Variants in STPG2 observed in about 807,000 individuals in gnomAD.
The protein encoded by STPG2 is sperm-tail PG-rich repeat-containing protein 2.
In STPG2, 56 loss-of-function variants were observed where a neutral mutation model predicts 54.2. That is an observed-to-expected ratio of 1.03 (90% confidence interval 0.83 to 1.29). STPG2 has a LOEUF of 1.29. Among genes scored for constraint, STPG2 ranks in the 50% most tolerant of loss-of-function variants. The pLI, the probability that STPG2 is intolerant of heterozygous loss-of-function variation, is 0.00. For synonymous variants in STPG2, 200 were observed against 181.8 expected (o/e 1.10, Z -0.81); for missense variants, 596 against 544.9 (o/e 1.09, Z -0.93).
At chr4:97,612,496 A>T (rs1419300974) in intron 10 of STPG2, among the ~76,000 whole-genome samples, 1 of 152,062 alleles carries the variant, frequency 6.6e-6, no homozygotes, top group Non-Finnish European at 1.5e-5. Flanking sequence ...AACAGTTCTA[A>T]ATCTTTGGTG....
intron 5 of STPG2, 149 bp downstream of exon 5, chr4:98,105,804 G>A: frequency 4.6e-6 from 3 of 654,982 alleles, no homozygotes; most frequent in Non-Finnish European, 6.8e-6. Flanking sequence ...CCACTTGACA[G>A]AAATAATAAA....
At chr4:97,584,004 C>T (rs1578405229) in intron 10 of STPG2, among the ~76,000 whole-genome samples, 1 of 151,850 alleles carries the variant, frequency 6.6e-6, no homozygotes, top group Non-Finnish European at 1.5e-5. Flanking sequence ...AAACAATGGA[C>T]TTAAACTATA....
downstream of STPG2, among the ~76,000 whole-genome samples, chr4:97,556,583 G>T (rs1206413913): frequency 6.6e-6 from 1 of 152,010 alleles, no homozygotes; most frequent in South Asian, 2.1e-4. Context: ...CACACAATCT[G>T]CATATTTTTA....
chr4:97,779,613 C>A (rs1443642792), intron 9 of STPG2, among the ~76,000 whole-genome samples: 1 of 152,046 alleles, frequency 6.6e-6, no homozygotes, highest in African/African-American at 2.4e-5. Context: ...AAGAGCAACT[C>A]CAAGACACAT....
intron 1 of STPG2, among the ~76,000 whole-genome samples, chr4:98,140,442 A>G (rs1462016885): frequency 6.6e-6 from 1 of 152,210 alleles, no homozygotes; most frequent in East Asian, 1.9e-4. Context: ...AAGGAAAAAC[A>G]AGTAATATTT....
chr4:97,926,612 T>A (rs1316793741), intron 8 of STPG2, among the ~76,000 whole-genome samples: 4 of 152,194 alleles, frequency 2.6e-5, no homozygotes, highest in African/African-American at 4.8e-5. Context: ...ATTCTTTCCA[T>A]GCCTTTGCAT....
At chr4:97,574,271 A>C (rs933202948) in intron 10 of STPG2, among the ~76,000 whole-genome samples, 1 of 152,130 alleles carries the variant, frequency 6.6e-6, no homozygotes, top group Non-Finnish European at 1.5e-5. Context: ...AGAAGGGAAA[A>C]TATTTCTTCC....
At chr4:97,617,511 A>G (rs1733906203) in intron 10 of STPG2, among the ~76,000 whole-genome samples, 1 of 152,178 alleles carries the variant, frequency 6.6e-6, no homozygotes, top group African/African-American at 2.4e-5. Context: ...CATTGCAAAC[A>G]CTTTTTAAGA....
At chr4:97,862,051 G>A (rs1337127410) in intron 8 of STPG2, among the ~76,000 whole-genome samples, 3 of 152,000 alleles carry the variant, frequency 2.0e-5, no homozygotes, top group African/African-American at 7.2e-5. Flanking sequence ...CATAATGACA[G>A]AATCAAATTC....
At chr4:97,492,111 A>G (rs568476201) in intron 4 of STPG2, among the ~76,000 whole-genome samples, 1 of 151,560 alleles carries the variant, frequency 6.6e-6, no homozygotes, top group Non-Finnish European at 1.5e-5. Context: ...TCTCGTAAGA[A>G]TGGTGCTGAA....
intron 4 of STPG2, among the ~76,000 whole-genome samples, chr4:97,472,351 G>A (rs962450928): frequency 6.6e-6 from 1 of 152,174 alleles, no homozygotes; most frequent in Non-Finnish European, 1.5e-5. Context: ...CCAAACTTTG[G>A]TGAGTTTCAC....
chr4:98,045,270 C>T (rs1009102338), intron 5 of STPG2, among the ~76,000 whole-genome samples: 1 of 152,156 alleles, frequency 6.6e-6, no homozygotes, highest in African/African-American at 2.4e-5. Flanking sequence ...AGAACCTCCA[C>T]TGCACGCTGG....
At chr4:97,453,168 G>C (rs987852531) in intron 4 of STPG2, among the ~76,000 whole-genome samples, 2 of 152,190 alleles carry the variant, frequency 1.3e-5, no homozygotes, top group Non-Finnish European at 2.9e-5. Flanking sequence ...GCAGTGCCTG[G>C]CATCTCCAAG....
intron 6 of STPG2, among the ~76,000 whole-genome samples, chr4:97,974,845 C>A (rs927546809): frequency 6.6e-6 from 1 of 152,122 alleles, no homozygotes. Context: ...AATACACTTG[C>A]CATATGACCA....
intron 9 of STPG2, among the ~76,000 whole-genome samples, chr4:97,799,710 C>T (rs1489196966): frequency 2.6e-5 from 4 of 152,010 alleles, no homozygotes; most frequent in African/African-American, 9.7e-5. Context: ...TCTGTATTTC[C>T]TGAATTTGAA....
At chr4:97,756,507 G>A (rs1054224062) in intron 9 of STPG2, among the ~76,000 whole-genome samples, 1 of 151,920 alleles carries the variant, frequency 6.6e-6, no homozygotes, top group Non-Finnish European at 1.5e-5. Flanking sequence ...TATTTTTTTA[G>A]TAGAGATGGG....
intron 8 of STPG2, among the ~76,000 whole-genome samples, chr4:97,905,260 G>C (rs1204180138): frequency 6.6e-6 from 1 of 152,064 alleles, no homozygotes; most frequent in South Asian, 2.1e-4. Context: ...CGGATGTCTC[G>C]GCAGAAACTC....
At chr4:97,771,244 G>A (rs1318313956) in intron 9 of STPG2, among the ~76,000 whole-genome samples, 1 of 152,092 alleles carries the variant, frequency 6.6e-6, no homozygotes, top group Non-Finnish European at 1.5e-5. Flanking sequence ...GGAAGCACAC[G>A]GGGATTTAAA....
chr4:97,771,699 G>T (rs762321269), intron 9 of STPG2, among the ~76,000 whole-genome samples: 1 of 152,200 alleles, frequency 6.6e-6, no homozygotes, highest in Non-Finnish European at 1.5e-5. Flanking sequence ...GGGGAGCTGG[G>T]GCACAGACTA....
Sources: allele counts gnomAD v4.1 joint callset (sites outside exome capture counted in the v4.1 genomes callset), GRCh38; gene constraint gnomAD v4.1.1; transcripts MANE v1.5; gene names NCBI Gene and HGNC (gene_info 2026-07-23, HGNC 2026-07-21).